NOTCH1: variants seen among roughly 807,000 people sequenced by gnomAD.
NOTCH1 encodes the protein notch receptor 1, also known as neurogenic locus notch homolog protein 1.
A neutral mutation model predicts 254.8 loss-of-function variants in NOTCH1; 37 were observed. The observed-to-expected ratio is 0.15, with a 90% CI of 0.11 to 0.19. The LOEUF (loss-of-function observed/expected upper bound fraction) is 0.19, where lower values mean the gene tolerates loss of function less well. Ranked by LOEUF, NOTCH1 falls within the 10% of genes least tolerant of loss-of-function variation. The pLI is 1.00. For missense variants in NOTCH1, 2,972 were observed against 3,708.6 expected, an observed-to-expected ratio of 0.80 and a Z score of 5.16; for synonymous variants, 1,731 against 1,618.1, an observed-to-expected ratio of 1.07 and a Z score of -1.68.
intron 2 of NOTCH1, among the ~76,000 whole-genome samples, chr9:136,527,839 C>A (rs1045900224): frequency 6.6e-6 from 1 of 152,080 alleles, no homozygotes; most frequent in African/African-American, 2.4e-5. Context: ...AGGAGGGCTG[C>A]GGGGGGAGGG....
intron 2 of NOTCH1, chr9:136,543,379 C>T (rs745914035): frequency 4.2e-6 from 1 of 240,514 alleles, no homozygotes; most frequent in Non-Finnish European, 8.4e-6. Context: ...CAGGAGGTGG[C>T]ATCACCCGTG....
At chr9:136,512,942 CTCCGCCCTCTCCAGCACAGGT>C (rs2133357640) in intron 15 of NOTCH1, 58 bp downstream of exon 15, 1 of 490,676 alleles carries the variant, frequency 2.0e-6, no homozygotes, top group East Asian at 7.5e-5. Context: ...CCAGCACAGG[CTCCGCCCTCTCCAGCACAGGT>C]CCCGCCCCTC....
chr9:136,523,909 C>T lies in NOTCH1; in HGVS notation c.211G>A (p.Ala71Thr), dbSNP rs753106233. The T allele has an allele frequency of 3.4e-5, 55 of 1,603,112 alleles. No individual in the cohort carries two copies. The highest frequency in any genetic ancestry group is 4.3e-5 in the Non-Finnish European group (50 of 1,175,656). Residue 71 changes from alanine to threonine, a missense_variant, in exon 3 of 34, where the codon GCC becomes ACC. By Grantham distance (58) the Ala-to-Thr change is moderately conservative (BLOSUM62 0). Transcript: ENST00000651671. ...CGGTCCACCACGTGGCATGTCCCGG[C>T]GTTCTTGCAGGGGGTGCTGAGGCAC... ...NPCLSTPCKN[A>T]GTCHVVDRRG...
Position 136,508,752 on chromosome 9 carries a change from G to C in NOTCH1, c.3171+118C>G, listed in dbSNP as rs115228361. 2.5e-3 allele frequency: 2,597 copies of C among 1,033,038 alleles called. 57 individuals carry two copies. The African/African-American group carries it at 0.035, about 14-fold the overall frequency. 64.0% of individuals were successfully genotyped at this position (1,033,038 alleles called of 1,614,324 possible). On this transcript the variant is annotated intron_variant, in intron 19 of 33. Transcript: ENST00000651671. ...GATCCCCAGAAACCCTCTGCCCGGG[G>C]GTGTGGGGGTGACCCCGAGCCGACA...
chr9:136,500,756 G>C lies in NOTCH1; in HGVS notation c.5730C>G (p.Ile1910Met), dbSNP rs1317920760. The C allele has an allele frequency of 1.2e-6, 2 of 1,605,326 alleles. No homozygotes were observed. The highest frequency in any genetic ancestry group is 2.2e-5 in the South Asian group (2 of 91,086). The change falls in exon 31 of 34, where the codon ATC (isoleucine) becomes ATG (methionine). Residue 1910 changes from isoleucine to methionine, a missense_variant. Ile to Met is a conservative substitution (Grantham distance 10). Transcript: ENST00000651671. ...SEEEEDAPAVISDFIYQGASL... is the reference protein window; with the variant it reads ...SEEEEDAPAVMSDFIYQGASL... Reference sequence around the variant, plus strand: ...TGGCGCCCTGGTAGATGAAGTCGGAGATGACGGCCGGCGCGTCCTCCTCTT... The same window carrying C: ...TGGCGCCCTGGTAGATGAAGTCGGACATGACGGCCGGCGCGTCCTCCTCTT...
rs769209011 is a variant in NOTCH1 at position 136,506,971 on chromosome 9, C to T, written c.3646G>A (p.Val1216Met). 5 of 1,600,972 alleles carry T rather than the reference C, an allele frequency of 3.1e-6. No individual in the cohort carries two copies. Among genetic ancestry groups the T allele is most frequent in the African/African-American group, 1.3e-5 (1 of 74,554 alleles). ...TCGTCCACGTTGATCTCACAGTGCA[C>T]ACCTGCGGGGCCAGGTTTCGTCAGT... ...KCSCPRGTQG[V>M]HCEINVDDCN... is the part of the protein sequence containing the mutation. Residue 1216 changes from valine to methionine, a missense_variant and splice_region_variant, in exon 23 of 34, where the codon GTG becomes ATG. Coordinates refer to ENST00000651671, the MANE Select transcript of NOTCH1 (RefSeq NM_017617.5). The surrounding 1 kb of genome is among the most constrained non-coding windows in gnomAD (Gnocchi z 4.5).
chr9:136,519,322 C>G, intron 5 of NOTCH1, 121 bp downstream of exon 5: 1 of 1,430,048 alleles, frequency 7.0e-7, no homozygotes, highest in Non-Finnish European at 9.6e-7. Context: ...TCGGCCAACC[C>G]TAGTCTGCCT....
intron 2 of NOTCH1, among the ~76,000 whole-genome samples, chr9:136,529,813 G>T (rs1426134330): frequency 6.6e-6 from 1 of 152,242 alleles, no homozygotes; most frequent in African/African-American, 2.4e-5. Flanking sequence ...GCACCGAGGG[G>T]GCCAAGGGGC....
At position 136,497,188 on chromosome 9, in the gene NOTCH1, T is replaced by C. The variant is rs2133318027; in HGVS notation, c.6551A>G (p.Gln2184Arg). 6.2e-7 allele frequency: 1 copy of C among 1,612,846 alleles called. No individual in the cohort carries two copies. The highest frequency in any genetic ancestry group is 1.3e-5 in the African/African-American group (1 of 75,050). Residue 2184 changes from glutamine to arginine, a missense_variant, in exon 34 of 34, where the codon CAG becomes CGG. Physicochemically the swap from Gln to Arg is conservative, Grantham distance 43. Transcript: ENST00000651671. ...GTCCAGCAGGCAGCCCTTGCCGTCC[T>C]GGGACTTCTTCCTCCGTGCCTTGAG... is the stretch of plus-strand genomic sequence containing the variant. ...KDLKARRKKS[Q>R]DGKGCLLDSS...
At chr9:136,505,156 C>G (rs754368405) in intron 25 of NOTCH1, 52 bp from the exon 26 acceptor site, 3 of 1,568,738 alleles carry the variant, frequency 1.9e-6, no homozygotes, top group Non-Finnish European at 2.6e-6. Context: ...GCCTCGCACC[C>G]GCCGTCCGGT....
chr9:136,507,014 C>A (rs1289052679), intron 22 of NOTCH1, 41 bp from the exon 23 acceptor site: 1 of 1,586,626 alleles, frequency 6.3e-7, no homozygotes. Context: ...GCCCGCCACA[C>A]CCCGGCCCTG....
rs7864720 is a variant in NOTCH1 at position 136,509,720 on chromosome 9, G to C, written c.2969+13C>G. 1 of 1,610,910 alleles carries C rather than the reference G, an allele frequency of 6.2e-7. No homozygotes were observed. Among genetic ancestry groups the C allele is most frequent in the Non-Finnish European group, 8.5e-7 (1 of 1,178,314 alleles). ...CCCGTTCCCTTCCACGGCCTCACTC[G>C]AGCCCCGCACACCTCTCTGTGCAGT... is the stretch of plus-strand genomic sequence containing the variant. On this transcript the variant is annotated intron_variant, in intron 18 of 33. Coordinates refer to ENST00000651671, the MANE Select transcript of NOTCH1 (RefSeq NM_017617.5).
intron 8 of NOTCH1, 58 bp from the exon 9 acceptor site, chr9:136,517,443 C>G (rs1167809515): frequency 3.3e-6 from 4 of 1,203,754 alleles, no homozygotes; most frequent in Admixed American, 2.0e-5. Context: ...CCACTGGGCA[C>G]AGCTGTGGAC....
chr9:136,512,206 G>C (rs549882549), intron 15 of NOTCH1, among the ~76,000 whole-genome samples: 11 of 152,342 alleles, frequency 7.2e-5, no homozygotes, highest in African/African-American at 2.6e-4. Flanking sequence ...GGTCCTCACT[G>C]ACTGACACAG....
At position 136,506,731 on chromosome 9, in the gene NOTCH1, G is replaced by A. The variant is rs1056341092; in HGVS notation, c.3886C>T (p.Arg1296Cys). 2 of 1,599,794 alleles carry A rather than the reference G, an allele frequency of 1.3e-6. No homozygotes were observed. Among genetic ancestry groups the A allele is most frequent in the African/African-American group, 1.3e-5 (1 of 74,688 alleles). Residue 1296 changes from arginine to cysteine, a missense_variant, in exon 23 of 34, where the codon CGT becomes TGT. Arg to Cys is a radical substitution (Grantham distance 180). Transcript: ENST00000651671. This position sits in a 1 kb window ranked among gnomAD's most constrained non-coding sequence, Gnocchi z 4.5. ...QRVNDFHCEC[R>C]AGHTGRRCES... is the part of the protein sequence containing the mutation. The stretch of plus-strand genomic sequence containing the variant: ...CGGCACCCACCGGTGTGACCAGCAC[G>A]GCACTCGCAGTGGAAGTCATTGACG...
Position 136,530,470 on chromosome 9 carries a change from C to G in NOTCH1, c.141-6491G>C, listed in dbSNP as rs767458577. 2.6e-5 allele frequency among the ~76,000 whole-genome samples: 4 copies of G among 152,328 alleles called. No individual in the cohort carries two copies. In the Middle Eastern group the frequency reaches 0.01, roughly 389 times the overall value. ...GTCTGCATCTGACCGACAGAAGGCC[C>G]GTGGAGATGGCGGAGCTGGGGTGGC... On this transcript the variant is annotated intron_variant, in intron 2 of 33. Transcript: ENST00000651671.
At chr9:136,526,128 C>T (rs1298749949) in intron 2 of NOTCH1, among the ~76,000 whole-genome samples, 5 of 152,246 alleles carry the variant, frequency 3.3e-5, no homozygotes, top group South Asian at 4.1e-4. Flanking sequence ...CCTGCCTCTG[C>T]GGGCACCTGT....
chr9:136,507,075 C>T lies in NOTCH1; in HGVS notation c.3644-102G>A, dbSNP rs117232001. 48 of 1,524,836 alleles carry T rather than the reference C, an allele frequency of 3.1e-5. No individual in the cohort carries two copies. The East Asian group carries it at 3.2e-4, about 10-fold the overall frequency. The allele number at this position is 1,524,836 out of a possible 1,614,324, so 94.5% of individuals were successfully genotyped here. On this transcript the variant is annotated intron_variant, in intron 22 of 33. Transcript: ENST00000651671. Reference sequence around the variant, plus strand: ...ACGAGCGCTCAGGTCTGGGGCTGCACGGACACTCGGGAGAGGCAGGTGTCA... The same window carrying T: ...ACGAGCGCTCAGGTCTGGGGCTGCATGGACACTCGGGAGAGGCAGGTGTCA...
chr9:136,542,236 C>T (rs1026167547), intron 2 of NOTCH1, among the ~76,000 whole-genome samples: 3 of 152,168 alleles, frequency 2.0e-5, no homozygotes, highest in Non-Finnish European at 4.4e-5. Flanking sequence ...AAGCAACAGG[C>T]CCCCAATTTT....
Sources: allele counts gnomAD v4.1 joint callset (sites outside exome capture counted in the v4.1 genomes callset), GRCh38; gene constraint gnomAD v4.1.1; non-coding constraint Gnocchi (gnomAD v3.1); transcripts MANE v1.5; gene names NCBI Gene and HGNC (gene_info 2026-07-23, HGNC 2026-07-21).